EHMT1: variants seen among roughly 807,000 people sequenced by gnomAD.
The protein encoded by EHMT1 is histone-lysine N-methyltransferase EHMT1.
A neutral mutation model predicts 147.2 loss-of-function variants in EHMT1; 15 were observed. That is an observed-to-expected ratio of 0.10 (90% CI 0.07 to 0.16). The LOEUF is 0.16. EHMT1 is among the 10% of genes least tolerant of loss of function. EHMT1 has a pLI of 1.00. For missense variants in EHMT1, 1,587 were observed against 1,772.4 expected (o/e 0.90, Z 1.88); for synonymous variants, 795 against 709.6 (o/e 1.12, Z -1.91).
At position 137,796,717 on chromosome 9, in the gene EHMT1, A is replaced by AG. The variant is rs1220564045; in HGVS notation, c.2506-2096_2506-2095insG. 5.9e-5 allele frequency among the ~76,000 whole-genome samples: 9 copies of AG among 151,578 alleles called. No homozygotes were observed. In the Middle Eastern group the frequency reaches 0.014, roughly 229 times the overall value. On this transcript the variant is annotated intron_variant, in intron 16 of 26. Transcript: ENST00000460843. ...AGACTCCATCTCAAAAAAAAAAAAA[A>AG]AAAGAAATGAAACCACACAGAAAAA... is the stretch of plus-strand genomic sequence containing the variant.
chr9:137,715,772 T>C (rs1945157690), intron 2 of EHMT1: 1 of 985,282 alleles, frequency 1.0e-6, no homozygotes, highest in East Asian at 1.1e-4. Flanking sequence ...GTATAAGCCC[T>C]TTTTCTGACC....
intron 4 of EHMT1, among the ~76,000 whole-genome samples, chr9:137,734,861 G>A (rs1947402027): frequency 6.6e-6 from 1 of 152,182 alleles, no homozygotes; most frequent in Admixed American, 6.5e-5. Flanking sequence ...TCCTTTAAGA[G>A]TGCAGAAGAA....
At chr9:137,686,551 G>A (rs1012589460) in intron 1 of EHMT1, among the ~76,000 whole-genome samples, 13 of 151,168 alleles carry the variant, frequency 8.6e-5, no homozygotes, top group Admixed American at 4.6e-4. Context: ...CCCCATCCCC[G>A]GCTAGTTTTT....
intron 10 of EHMT1, among the ~76,000 whole-genome samples, chr9:137,771,284 C>T (rs1161257706): frequency 1.3e-5 from 2 of 149,980 alleles, no homozygotes; most frequent in Non-Finnish European, 3.0e-5. Context: ...ACTGCAGCCT[C>T]CTCCTCCTGA....
At chr9:137,671,451 C>T (rs1940618011) in intron 1 of EHMT1, among the ~76,000 whole-genome samples, 5 of 151,366 alleles carry the variant, frequency 3.3e-5, no homozygotes, top group Admixed American at 3.3e-4. Flanking sequence ...GGAAGATGAC[C>T]CTGAAGTTAG....
chr9:137,663,772 C>T (rs1939333245), intron 1 of EHMT1, among the ~76,000 whole-genome samples: 1 of 152,186 alleles, frequency 6.6e-6, no homozygotes, highest in African/African-American at 2.4e-5. Flanking sequence ...AGGGGAATAA[C>T]AATGTCTATA....
At chr9:137,698,847 C>G (rs1475366341) in intron 1 of EHMT1, among the ~76,000 whole-genome samples, 2 of 151,824 alleles carry the variant, frequency 1.3e-5, no homozygotes, top group Non-Finnish European at 2.9e-5. Context: ...CAAAATATGT[C>G]TAGTCCTTAT....
intron 16 of EHMT1, among the ~76,000 whole-genome samples, chr9:137,791,267 A>G (rs538011626): frequency 5.9e-4 from 90 of 152,328 alleles, no homozygotes; most frequent in African/African-American, 2.0e-3. Context: ...GCCCAGAGCA[A>G]TTAGGCAAGA....
At chr9:137,690,279 T>G (rs939492805) in intron 1 of EHMT1, among the ~76,000 whole-genome samples, 1 of 152,170 alleles carries the variant, frequency 6.6e-6, no homozygotes, top group Non-Finnish European at 1.5e-5. Context: ...GCTTTTCTAT[T>G]TCACAGTATT....
chr9:137,711,370 G>T lies in EHMT1; in HGVS notation c.85+340G>T, dbSNP rs1369159955. Among the ~76,000 whole-genome samples the T allele has an allele frequency of 8.0e-4, 122 of 152,204 alleles. 1 individual carries two copies. Among genetic ancestry groups the T allele is most frequent in the Non-Finnish European group, 1.0e-4 (7 of 68,044 alleles). On this transcript the variant is annotated intron_variant, in intron 2 of 26. Transcript: ENST00000460843. Reference sequence around the variant, plus strand: ...AACCGGAGACACTCCGGTGTCCTCAGTTGATAAGGAACTGGATAAACAGAT... The same window carrying T: ...AACCGGAGACACTCCGGTGTCCTCATTTGATAAGGAACTGGATAAACAGAT...
At chr9:137,802,784 T>G (rs1953609222) in intron 18 of EHMT1, 1 of 1,229,726 alleles carries the variant, frequency 8.1e-7, no homozygotes, top group Admixed American at 4.2e-5. Flanking sequence ...CTCCGTGGGC[T>G]GCAGGGCTTC....
chr9:137,647,265 G>T (rs1844963036), intron 1 of EHMT1, among the ~76,000 whole-genome samples: 1 of 152,106 alleles, frequency 6.6e-6, no homozygotes, highest in Non-Finnish European at 1.5e-5. Flanking sequence ...CGTGCCCCAG[G>T]CTGACCTCTT....
chr9:137,670,943 TG>T (rs999371077), intron 1 of EHMT1, among the ~76,000 whole-genome samples: 4 of 152,206 alleles, frequency 2.6e-5, no homozygotes, highest in African/African-American at 9.6e-5. Flanking sequence ...CCACACCCTC[TG>T]GCCTGTGGGT....
rs907061837 is a variant in EHMT1, at chr9:137,803,031, G to A, written c.2712+2047G>A. On this transcript the variant is annotated intron_variant, in intron 18 of 26. Coordinates refer to ENST00000460843, the MANE Select transcript of EHMT1 (RefSeq NM_024757.5). Reference sequence around the variant, plus strand: ...CCCAGGTGGGGCCACCTCACCCACCGCCCCCGGAGACTGCGTGGCGGGGAA... The same window carrying A: ...CCCAGGTGGGGCCACCTCACCCACCACCCCCGGAGACTGCGTGGCGGGGAA... The A allele has an allele frequency of 2.4e-5, 30 of 1,231,062 alleles. No individual in the cohort carries two copies. The African/African-American group carries it at 3.0e-4, about 12-fold the overall frequency. 76.3% of individuals were successfully genotyped at this position (1,231,062 alleles called of 1,614,324 possible). A position where few individuals can be genotyped will look rare whatever the true frequency, so the allele number is the denominator to read the frequency against.
chr9:137,720,382 C>A (rs142878408), intron 3 of EHMT1, among the ~76,000 whole-genome samples: 119 of 152,234 alleles, frequency 7.8e-4, no homozygotes, highest in African/African-American at 2.7e-3. Context: ...CAGCTCTTTG[C>A]AACCTCTGCC....
intron 18 of EHMT1, among the ~76,000 whole-genome samples, chr9:137,810,073 T>C (rs1384871147): frequency 2.3e-5 from 3 of 129,792 alleles, no homozygotes; most frequent in Admixed American, 7.2e-5. Flanking sequence ...CGGTGATGGG[T>C]CCGGAGGCGG....
Position 137,776,695 on chromosome 9 carries a change from C to T in EHMT1, c.1869C>T (p.Asn623=), listed in dbSNP as rs7868455. The T allele has an allele frequency of 9.4e-3, 15,100 of 1,614,062 alleles. 1,184 individuals are homozygous for T. The African/African-American group carries it at 0.17, about 18-fold the overall frequency. The part of the protein sequence containing the change: ...FHKDCASRVN[N]ASYCPHCGEE... ...AAGACTGTGCCTCTCGAGTCAATAA[C>T]GCCAGCTATTGTCCCCACTGTGGGG... Residue 623 remains asparagine (N), a synonymous_variant, in exon 12 of 27, where the codon AAC becomes AAT. Transcript: ENST00000460843. This position sits in a 1 kb window ranked among gnomAD's most constrained non-coding sequence, Gnocchi z 4.4.
At chr9:137,747,489 CAT>C (rs1332222080) in intron 6 of EHMT1, 1 of 152,082 alleles carries the variant, frequency 6.6e-6, no homozygotes, top group African/African-American at 2.4e-5. Flanking sequence ...AATGCAATGA[CAT>C]ATTAAAATAA....
chr9:137,772,484 T>A (rs1221191537), intron 10 of EHMT1, among the ~76,000 whole-genome samples: 4 of 152,198 alleles, frequency 2.6e-5, no homozygotes, highest in Admixed American at 6.5e-5. Flanking sequence ...GGTGCCTAGC[T>A]GCATGGACCT....
Sources: allele counts gnomAD v4.1 joint callset (sites outside exome capture counted in the v4.1 genomes callset), GRCh38; gene constraint gnomAD v4.1.1; non-coding constraint Gnocchi (gnomAD v3.1); transcripts MANE v1.5; gene names NCBI Gene and HGNC (gene_info 2026-07-23, HGNC 2026-07-21).